The following SNAPC3 variants were observed in gnomAD, a reference collection of about 807,000 sequenced individuals.
SNAPC3 encodes small nuclear RNA activating complex polypeptide 3.
SNAPC3 carries 56 observed loss-of-function variants against 47.7 expected under a neutral mutation model. The ratio of observed to expected loss-of-function variants is 1.18; its 90% CI spans 0.95 to 1.47. The LOEUF (loss-of-function observed/expected upper bound fraction) is 1.47, where lower values mean the gene tolerates loss of function less well. Among genes scored for constraint, SNAPC3 ranks in the 40% most tolerant of loss-of-function variants. The probability of loss-of-function intolerance (pLI) is 0.00; values close to 1 mark genes in which losing one functional copy is unlikely to be tolerated. For missense variants in SNAPC3, 665 were observed against 511.3 expected (o/e 1.30, Z -2.90); for synonymous variants, 235 against 189.9 (o/e 1.24, Z -1.95).
chr9:15,429,113 C>CAT (rs1452747988), intron 2 of SNAPC3, among the ~76,000 whole-genome samples: 1 of 152,044 alleles, frequency 6.6e-6, no homozygotes, highest in South Asian at 2.1e-4. Context: ...GCAAAAAGAA[C>CAT]ATATAACTTA....
intron 4 of SNAPC3, 81 bp from the exon 5 acceptor site, chr9:15,447,014 A>T: frequency 1.7e-6 from 2 of 1,182,980 alleles, no homozygotes; most frequent in Non-Finnish European, 2.5e-6. Flanking sequence ...CCAGCAATTT[A>T]ATTTTGATCT....
downstream of SNAPC3, chr9:15,464,691 CAA>C (rs1310780601): frequency 5.0e-6 from 1 of 198,276 alleles, no homozygotes; most frequent in Admixed American, 6.0e-5. Context: ...CAACATTCCT[CAA>C]AAATAAACTT....
intron 2 of SNAPC3, chr9:15,431,933 T>C (rs930017436): frequency 1.2e-4 from 16 of 134,732 alleles, no homozygotes; most frequent in African/African-American, 3.7e-4. Context: ...TTGCATATCA[T>C]CCATGCACAG....
In SNAPC3 at chr9:15,426,964, T is replaced by G. The variant is rs190272698; in HGVS notation, c.392+2978T>G. On this transcript the variant is annotated intron_variant, in intron 2 of 8. Coordinates refer to ENST00000380821, the MANE Select transcript of SNAPC3 (RefSeq NM_001039697.2). ...TGTGGCAAAAGCCTAAATTTGTATC[T>G]CTATGCTTTATCTTTCTCTGAACCT... Among the ~76,000 whole-genome samples, 6 of 152,322 alleles carry G rather than the reference T, an allele frequency of 3.9e-5. No individual in the cohort carries two copies. In the East Asian group the frequency reaches 9.6e-4, roughly 24 times the overall value.
At chr9:15,426,147 C>T (rs2031364460) in intron 2 of SNAPC3, among the ~76,000 whole-genome samples, 1 of 152,190 alleles carries the variant, frequency 6.6e-6, no homozygotes, top group African/African-American at 2.4e-5. Flanking sequence ...AGCCACCGCA[C>T]CTGGCCCGAC....
chr9:15,442,838 G>A (rs1470522935), intron 3 of SNAPC3, among the ~76,000 whole-genome samples: 7 of 152,190 alleles, frequency 4.6e-5, no homozygotes, highest in Admixed American at 4.6e-4. Flanking sequence ...GGTGGAGGTT[G>A]TAGCAAGCCG....
chr9:15,456,226 T>A (rs923286648), intron 7 of SNAPC3, among the ~76,000 whole-genome samples: 1 of 152,028 alleles, frequency 6.6e-6, no homozygotes, highest in Non-Finnish European at 1.5e-5. Flanking sequence ...GCCAGGCTGG[T>A]GTCGAACTCC....
In SNAPC3 at chr9:15,455,018, A is replaced by G. The variant is rs553108705; in HGVS notation, c.980+1813A>G. Among the ~76,000 whole-genome samples, 5 of 152,362 alleles carry G rather than the reference A, an allele frequency of 3.3e-5. No homozygotes were observed. In the East Asian group the frequency reaches 9.6e-4, roughly 29 times the overall value. On this transcript the variant is annotated intron_variant, in intron 7 of 8. Transcript: ENST00000380821. ...TAGCTACAAAACAAAATGTCGTCCA[A>G]CAGATGTCAACTGTGTGGCTTAGGT...
chr9:15,456,524 G>A (rs1322260939), intron 7 of SNAPC3, among the ~76,000 whole-genome samples: 1 of 151,994 alleles, frequency 6.6e-6, no homozygotes, highest in East Asian at 1.9e-4. Context: ...TTGGAGTGCA[G>A]TGGCAAAATC....
chr9:15,430,690 G>C (rs6474918), intron 2 of SNAPC3, among the ~76,000 whole-genome samples: 125,344 of 152,136 alleles, frequency 0.82, 52,733 homozygotes, highest in Non-Finnish European at 0.91. Context: ...AGTATTGTTT[G>C]TAATTGCAAA....
chr9:15,458,899 G>A lies in SNAPC3; in HGVS notation c.1089-820G>A, dbSNP rs1021443790. 3.9e-5 allele frequency among the ~76,000 whole-genome samples: 6 copies of A among 152,082 alleles called. No homozygotes were observed. The East Asian group carries it at 7.7e-4, about 20-fold the overall frequency. On this transcript the variant is annotated intron_variant, in intron 8 of 8. Transcript: ENST00000380821. ...GCTCAAATGATCATTGGAGCATTTTGGATTTCAAATTCTCAGTGGGATGTT... is the reference window on the plus strand; with the variant it reads ...GCTCAAATGATCATTGGAGCATTTTAGATTTCAAATTCTCAGTGGGATGTT...
chr9:15,463,126 G>T (rs1489534468), downstream of SNAPC3: 2 of 150,778 alleles, frequency 1.3e-5, no homozygotes, highest in African/African-American at 4.9e-5. Context: ...ATCCCAGTCA[G>T]TTCTCAGATT....
downstream of SNAPC3, chr9:15,465,479 ACAAACTTCT>A: frequency 1.4e-6 from 2 of 1,463,810 alleles, no homozygotes; most frequent in Non-Finnish European, 1.9e-6. Context: ...GAAAACCATT[ACAAACTTCT>A]CAAGTGTTCT....
intron 5 of SNAPC3, among the ~76,000 whole-genome samples, chr9:15,448,113 TAA>T (rs1356527058): frequency 6.6e-6 from 1 of 152,122 alleles, no homozygotes; most frequent in Non-Finnish European, 1.5e-5. Context: ...TAGAGATAAG[TAA>T]AAAGATATTT....
chr9:15,432,498 C>G (rs1276932953), intron 2 of SNAPC3, among the ~76,000 whole-genome samples: 1 of 151,934 alleles, frequency 6.6e-6, no homozygotes, highest in African/African-American at 2.4e-5. Context: ...CCTTGAGCAT[C>G]TTGTGGTGCC....
chr9:15,465,539 T>A, downstream of SNAPC3: 1 of 1,580,152 alleles, frequency 6.3e-7, no homozygotes, highest in Admixed American at 1.7e-5. Flanking sequence ...TAGTGTAGAA[T>A]CCTTCAGAGA....
chr9:15,455,730 G>A (rs754118417), intron 7 of SNAPC3, among the ~76,000 whole-genome samples: 71 of 148,244 alleles, frequency 4.8e-4, no homozygotes, highest in African/African-American at 1.2e-3. Context: ...ACGGAGTTTC[G>A]CTCTGTTGCC....
intron 3 of SNAPC3, among the ~76,000 whole-genome samples, chr9:15,443,970 G>C (rs2033725295): frequency 6.6e-6 from 1 of 152,144 alleles, no homozygotes; most frequent in South Asian, 2.1e-4. Context: ...CCAGCTTACT[G>C]GTTGCTTCTG....
intron 6 of SNAPC3, among the ~76,000 whole-genome samples, chr9:15,452,125 G>A (rs147922483): frequency 6.6e-6 from 1 of 152,130 alleles, no homozygotes; most frequent in East Asian, 1.9e-4. Flanking sequence ...ATCATGCCCA[G>A]CTAATTTTTG....
Sources: allele counts gnomAD v4.1 joint callset (sites outside exome capture counted in the v4.1 genomes callset), GRCh38; gene constraint gnomAD v4.1.1; transcripts MANE v1.5; gene names NCBI Gene and HGNC (gene_info 2026-07-23, HGNC 2026-07-21).